DYNC1H1: variants seen among roughly 807,000 people sequenced by gnomAD.
The protein encoded by DYNC1H1 is cytoplasmic dynein 1 heavy chain 1.
DYNC1H1 carries 51 observed loss-of-function variants against 527.1 expected under a neutral mutation model. That is an observed-to-expected ratio of 0.10 (90% CI 0.08 to 0.12). DYNC1H1 has a LOEUF of 0.12. Ranked by LOEUF, DYNC1H1 falls within the 10% of genes least tolerant of loss-of-function variation. The probability of loss-of-function intolerance (pLI) is 1.00; values close to 1 mark genes in which losing one functional copy is unlikely to be tolerated. For synonymous variants in DYNC1H1, 2,189 were observed against 2,278.8 expected, an observed-to-expected ratio of 0.96 and a Z score of 1.12; for missense variants, 2,771 against 5,971.8, an observed-to-expected ratio of 0.46 and a Z score of 17.66.
chr14:101,994,072 C>T (rs2141280321), intron 11 of DYNC1H1, 112 bp from the exon 12 acceptor site: 2 of 1,520,166 alleles, frequency 1.3e-6, no homozygotes, highest in East Asian at 4.5e-5. Flanking sequence ...CCCTTAAATG[C>T]CATTTTGGTC....
At chr14:102,023,194 G>T in intron 43 of DYNC1H1, 3 of 387,610 alleles carry the variant, frequency 7.7e-6, no homozygotes, top group South Asian at 6.2e-5. Flanking sequence ...GTGAGCTGTG[G>T]TCACACCACC....
rs569322395 is a variant in DYNC1H1 at position 102,033,333 on chromosome 14, A to G, written c.10262A>G (p.Asp3421Gly). 1.2e-5 allele frequency: 20 copies of G among 1,614,232 alleles called. No homozygotes were observed. The highest frequency in any genetic ancestry group is 1.5e-5 in the Non-Finnish European group (18 of 1,180,046). Reference sequence around the variant, plus strand: ...CGCAATGAGCTGCAGAAGCTGGAAGATGACGCCAAGGACAACCAGCAGAAG... The same window carrying G: ...CGCAATGAGCTGCAGAAGCTGGAAGGTGACGCCAAGGACAACCAGCAGAAG... The part of the protein sequence containing the change: ...PLRNELQKLE[D>G]DAKDNQQKAN... The change falls in exon 54 of 78, where the codon GAT becomes GGT. Residue 3421 changes from aspartate to glycine, a missense_variant. Coordinates refer to ENST00000360184, the MANE Select transcript of DYNC1H1 (RefSeq NM_001376.5). The surrounding 1 kb of genome is among the most constrained non-coding windows in gnomAD (Gnocchi z 5.6).
chr14:102,022,902 A>G, intron 43 of DYNC1H1, 22 bp downstream of exon 43: 2 of 1,614,144 alleles, frequency 1.2e-6, no homozygotes. Flanking sequence ...GCATCATTTC[A>G]GACATACTTC....
chr14:102,007,416 G>A (rs2048209223), intron 28 of DYNC1H1, among the ~76,000 whole-genome samples: 1 of 152,078 alleles, frequency 6.6e-6, no homozygotes, highest in African/African-American at 2.4e-5. Context: ...TTATGGAAGA[G>A]GTTTATCTTT....
chr14:101,973,488 T>C (rs1405542802), intron 1 of DYNC1H1, among the ~76,000 whole-genome samples: 1 of 152,086 alleles, frequency 6.6e-6, no homozygotes, highest in African/African-American at 2.4e-5. Flanking sequence ...TACTCTTTAG[T>C]GTGAATTTTG....
chr14:101,999,035 C>G (rs1466559619), intron 16 of DYNC1H1, among the ~76,000 whole-genome samples: 2 of 151,962 alleles, frequency 1.3e-5, no homozygotes, highest in Non-Finnish European at 2.9e-5. Flanking sequence ...GCTCCCGCCA[C>G]CACGCCTGGC....
chr14:101,995,140 AC>A (rs2048044377), intron 14 of DYNC1H1, 40 bp from the exon 15 acceptor site: 1 of 1,613,966 alleles, frequency 6.2e-7, no homozygotes, highest in Non-Finnish European at 8.5e-7. Flanking sequence ...CTACTGGTGA[AC>A]CCCAGCTCTG....
rs2048831212 is a variant in DYNC1H1 at position 102,052,976 on chromosome 14, G to A, written c.*2413G>A. ...GTTGGAATGACTGGGGGTGTCTTCC[G>A]AATCGCCATCATAAAGATCTAAAAG... is the stretch of plus-strand genomic sequence containing the variant. On this transcript the variant is annotated 3_prime_UTR_variant, in exon 78 of 78. Coordinates refer to ENST00000360184, the MANE Select transcript of DYNC1H1 (RefSeq NM_001376.5). 1.3e-5 allele frequency: 2 copies of A among 152,126 alleles called. No homozygotes were observed. The highest frequency in any genetic ancestry group is 2.4e-5 in the African/African-American group (1 of 41,434). The allele number at this position is 152,126 out of a possible 1,614,324, so 9.4% of individuals were successfully genotyped here. A position where few individuals can be genotyped will look rare whatever the true frequency, so the allele number is the denominator to read the frequency against.
At chr14:102,046,728 C>G (rs1186040174) in intron 72 of DYNC1H1, among the ~76,000 whole-genome samples, 1 of 152,046 alleles carries the variant, frequency 6.6e-6, no homozygotes, top group Non-Finnish European at 1.5e-5. Flanking sequence ...TGGCCCAGGT[C>G]TCACAGTGAA....
chr14:101,976,240 A>G (rs1477895624), intron 2 of DYNC1H1, among the ~76,000 whole-genome samples: 1 of 150,878 alleles, frequency 6.6e-6, no homozygotes, highest in Admixed American at 6.6e-5. Flanking sequence ...GACTCAGACA[A>G]ACACATTAAG....
rs115280171 is a variant in DYNC1H1 at position 102,034,653 on chromosome 14, G to C, written c.10754+201G>C. 903 of 889,230 alleles carry C rather than the reference G, an allele frequency of 1.0e-3. 5 individuals carry two copies. In the African/African-American group the frequency reaches 0.013, roughly 13 times the overall value. 55.1% of individuals were successfully genotyped at this position (889,230 alleles called of 1,614,324 possible). ...GTGTCTGAGTTATTCTGCAGTGAAT[G>C]CTTCTTGTAACCTTCTAAAATCGAT... On this transcript the variant is annotated intron_variant, in intron 56 of 77. Coordinates refer to ENST00000360184, the MANE Select transcript of DYNC1H1 (RefSeq NM_001376.5).
intron 5 of DYNC1H1, 104 bp from the exon 6 acceptor site, chr14:101,982,915 A>G: frequency 7.4e-7 from 1 of 1,346,876 alleles, no homozygotes; most frequent in Admixed American, 1.8e-5. Flanking sequence ...TTGTCTCGCT[A>G]GATATTTTGC....
intron 72 of DYNC1H1, among the ~76,000 whole-genome samples, chr14:102,047,485 C>A (rs2048734485): frequency 6.6e-6 from 1 of 151,628 alleles, no homozygotes; most frequent in Non-Finnish European, 1.5e-5. Flanking sequence ...TGCAGTGAGC[C>A]AAGGTCACGC....
Position 101,971,534 on chromosome 14 carries a change from C to G in DYNC1H1, c.257-4178C>G, listed in dbSNP as rs531403555. ...TTGAGCTCAGGAGTTCAAGACCAGC[C>G]TGGGCAACATGGAGAAACCTTGTCT... On this transcript the variant is annotated intron_variant, in intron 1 of 77. Transcript: ENST00000360184. Among the ~76,000 whole-genome samples the G allele has an allele frequency of 4.6e-5, 7 of 152,208 alleles. No homozygotes were observed. In the South Asian group the frequency reaches 1.5e-3, roughly 32 times the overall value.
Position 102,038,535 on chromosome 14 carries a change from A to G in DYNC1H1, c.10984A>G (p.Ile3662Val). The change falls in exon 58 of 78, where the codon ATC becomes GTC. Residue 3662 changes from isoleucine (I) to valine (V), a missense_variant. Coordinates refer to ENST00000360184, the MANE Select transcript of DYNC1H1 (RefSeq NM_001376.5). This position sits in a 1 kb window ranked among gnomAD's most constrained non-coding sequence, Gnocchi z 7.2. The stretch of plus-strand genomic sequence containing the variant: ...GCGGCGAACAGGGGGGAGAGTGCTG[A>G]TCACTCTCGGGGACCAGGACATAGA... ...EVRRTGGRVL[I>V]TLGDQDIDLS... The G allele has an allele frequency of 1.2e-6, 2 of 1,614,144 alleles. No individual in the cohort carries two copies. The highest frequency in any genetic ancestry group is 2.7e-5 in the African/African-American group (2 of 75,016).
Position 102,050,507 on chromosome 14 carries a change from A to C in DYNC1H1, c.13885A>C (p.Lys4629Gln), listed in dbSNP as rs1333704330. 6.2e-7 allele frequency: 1 copy of C among 1,614,132 alleles called. No individual in the cohort carries two copies. Among genetic ancestry groups the C allele is most frequent in the East Asian group, 2.2e-5 (1 of 44,884 alleles). Residue 4629 changes from lysine (K) to glutamine (Q), a missense_variant, in exon 78 of 78, where the codon AAG becomes CAG. Lys to Gln is a moderately conservative substitution (Grantham distance 53, BLOSUM62 1). Around this residue, in one of 32 missense-constraint regions of DYNC1H1, gnomAD observed 106 missense variants for 139.2 expected, o/e 0.76. Transcript: ENST00000360184. ...IFTVDFEIATKEDPRSFYERG... is the reference protein window; with the variant it reads ...IFTVDFEIATQEDPRSFYERG... Reference sequence around the variant, plus strand: ...CACCGTGGACTTCGAAATTGCTACAAAGGAGGATCCTCGCAGCTTCTACGA... The same window carrying C: ...CACCGTGGACTTCGAAATTGCTACACAGGAGGATCCTCGCAGCTTCTACGA...
intron 16 of DYNC1H1, among the ~76,000 whole-genome samples, chr14:101,999,750 A>G (rs1170226446): frequency 6.6e-6 from 1 of 152,230 alleles, no homozygotes; most frequent in African/African-American, 2.4e-5. Context: ...GACAATGGCT[A>G]AATCAAGAGA....
At position 102,027,636 on chromosome 14, in the gene DYNC1H1, A is replaced by G. The variant is rs1157873447; in HGVS notation, c.9066A>G (p.Glu3022=). ...TTTCCCAGGTGCCTGGTCTCTTTGA[A>G]GGAGACGAGTATGCCACCTTGATGA... ...LANGEVPGLF[E]GDEYATLMTQ... Residue 3022 remains glutamate (E), a synonymous_variant, in exon 47 of 78, where the codon GAA becomes GAG. Transcript: ENST00000360184. This position sits in a 1 kb window ranked among gnomAD's most constrained non-coding sequence, Gnocchi z 7.7. The G allele has an allele frequency of 6.2e-7, 1 of 1,614,150 alleles. No individual in the cohort carries two copies. The highest frequency in any genetic ancestry group is 1.1e-5 in the South Asian group (1 of 91,080).
chr14:102,050,744 G>A lies in DYNC1H1; in HGVS notation c.*181G>A. 1 of 968,866 alleles carries A rather than the reference G, an allele frequency of 1.0e-6. No individual in the cohort carries two copies. Among genetic ancestry groups the A allele is most frequent in the Non-Finnish European group, 1.6e-6 (1 of 643,344 alleles). The allele number at this position is 968,866 out of a possible 1,614,324, so 60.0% of individuals were successfully genotyped here. A position where few individuals can be genotyped will look rare whatever the true frequency, so the allele number is the denominator to read the frequency against. On this transcript the variant is annotated 3_prime_UTR_variant, in exon 78 of 78. Transcript: ENST00000360184. ...TTGGAAGGATACCAGGAGGTATTTG[G>A]GAAGGCCAATGGCGTGGCTCCTTTG...
Sources: gnomAD v4.1 joint callset for allele counts (sites outside exome capture counted in the v4.1 genomes callset) on GRCh38, gnomAD v4.1.1 for gene constraint, gnomAD v4.1.1 regional missense constraint, Gnocchi (gnomAD v3.1) non-coding constraint, MANE v1.5 for transcripts, NCBI Gene and HGNC (gene_info 2026-07-23, HGNC 2026-07-21) for gene names.